The following SRBD1 variants were observed in gnomAD, a reference collection of about 807,000 sequenced individuals.
SRBD1 encodes S1 RNA-binding domain-containing protein 1.
SRBD1 carries 88 observed loss-of-function variants against 115.3 expected under a neutral mutation model. The ratio of observed to expected loss-of-function variants is 0.76; its 90% CI spans 0.64 to 0.91. The LOEUF is 0.91. Ranked by LOEUF, SRBD1 falls within the 40% of genes least tolerant of loss-of-function variation. SRBD1 has a pLI of 0.00. For missense variants in SRBD1, 1,385 were observed against 1,177.4 expected (o/e 1.18, Z -2.58); for synonymous variants, 509 against 407.7 (o/e 1.25, Z -2.99).
At chr2:45,457,766 G>A (rs565102469) in intron 16 of SRBD1, among the ~76,000 whole-genome samples, 42 of 152,104 alleles carry the variant, frequency 2.8e-4, no homozygotes, top group African/African-American at 9.4e-4. Flanking sequence ...GGGAGCTGTT[G>A]ACTTCAAGAG....
chr2:45,438,124 T>C (rs898851553), intron 16 of SRBD1, among the ~76,000 whole-genome samples: 3 of 152,196 alleles, frequency 2.0e-5, no homozygotes, highest in Non-Finnish European at 4.4e-5. Flanking sequence ...GGAAGATTTA[T>C]ATGGTAACTC....
intron 16 of SRBD1, among the ~76,000 whole-genome samples, chr2:45,426,674 G>A (rs1446290143): frequency 6.6e-6 from 1 of 152,196 alleles, no homozygotes; most frequent in Non-Finnish European, 1.5e-5. Flanking sequence ...AATCTTTGCT[G>A]TTCTGCAGCC....
At chr2:45,501,829 G>GGCCT (rs1237667914) in intron 14 of SRBD1, among the ~76,000 whole-genome samples, 4 of 152,170 alleles carry the variant, frequency 2.6e-5, no homozygotes, top group Non-Finnish European at 5.9e-5. Flanking sequence ...AGCTCAAGGA[G>GGCCT]GCCTGCCTGC....
intron 16 of SRBD1, among the ~76,000 whole-genome samples, chr2:45,472,404 A>G (rs185740665): frequency 2.3e-4 from 35 of 152,356 alleles, no homozygotes; most frequent in Admixed American, 2.0e-3. Context: ...ACTATACTAA[A>G]AAAATCACTG....
chr2:45,409,874 G>A (rs940394680), intron 19 of SRBD1, among the ~76,000 whole-genome samples: 2 of 151,970 alleles, frequency 1.3e-5, no homozygotes, highest in Non-Finnish European at 2.9e-5. Context: ...AATAAATGCT[G>A]ACATAATAAG....
intron 16 of SRBD1, among the ~76,000 whole-genome samples, chr2:45,426,104 A>C (rs1387621600): frequency 6.6e-6 from 1 of 152,172 alleles, no homozygotes; most frequent in East Asian, 1.9e-4. Flanking sequence ...CACTGGATTG[A>C]AATTCTCACT....
chr2:45,398,946 C>T (rs150597364), intron 19 of SRBD1, among the ~76,000 whole-genome samples: 195 of 152,206 alleles, frequency 1.3e-3, no homozygotes, highest in African/African-American at 4.4e-3. Flanking sequence ...TGAAATGTTG[C>T]TATTATTGCT....
chr2:45,478,318 T>G lies in SRBD1; in HGVS notation c.1967-1243A>C, dbSNP rs1669864722. 1.3e-5 allele frequency among the ~76,000 whole-genome samples: 2 copies of G among 152,200 alleles called. 1 individual carries two copies. Among genetic ancestry groups the G allele is most frequent in the Non-Finnish European group, 2.9e-5 (2 of 68,038 alleles). ...TGCAAGTGACTCTCAGATTCTCCAG[T>G]CGCTGATTTGTACCACTTCTCTAAT... On this transcript the variant is annotated intron_variant, in intron 15 of 20. Transcript: ENST00000263736.
intron 19 of SRBD1, among the ~76,000 whole-genome samples, chr2:45,410,550 C>G (rs189515066): frequency 7.2e-5 from 11 of 152,290 alleles, no homozygotes; most frequent in Admixed American, 7.2e-4. Flanking sequence ...CTCCTAAAAC[C>G]TTTGGAATCT....
intron 10 of SRBD1, among the ~76,000 whole-genome samples, chr2:45,558,533 A>C (rs1672554098): frequency 2.0e-5 from 3 of 152,268 alleles, no homozygotes; most frequent in Non-Finnish European, 1.5e-5. Context: ...ATACTAATAC[A>C]TTAGCTTTAA....
chr2:45,399,561 T>C (rs771184184), intron 19 of SRBD1, among the ~76,000 whole-genome samples: 10 of 151,972 alleles, frequency 6.6e-5, no homozygotes, highest in Non-Finnish European at 8.8e-5. Context: ...CAACATAAGG[T>C]AGTAGTAGTG....
intron 14 of SRBD1, among the ~76,000 whole-genome samples, chr2:45,503,727 G>C (rs896982973): frequency 6.6e-6 from 1 of 152,144 alleles, no homozygotes; most frequent in African/African-American, 2.4e-5. Flanking sequence ...GTTTGATTCA[G>C]ATCAAAGTAA....
intron 4 of SRBD1, among the ~76,000 whole-genome samples, chr2:45,592,984 G>A (rs1367583380): frequency 2.0e-5 from 3 of 152,162 alleles, no homozygotes; most frequent in African/African-American, 7.2e-5. Context: ...GAGTTGGGAA[G>A]GGGTAGGGCA....
At chr2:45,473,251 G>C (rs1014952696) in intron 16 of SRBD1, among the ~76,000 whole-genome samples, 1 of 151,858 alleles carries the variant, frequency 6.6e-6, no homozygotes, top group East Asian at 1.9e-4. Flanking sequence ...TCAAATTCTA[G>C]AGTTAATTTA....
chr2:45,468,390 T>C, intron 16 of SRBD1, among the ~76,000 whole-genome samples: 1 of 145,366 alleles, frequency 6.9e-6, no homozygotes, highest in East Asian at 2.0e-4. Flanking sequence ...TCAATGAACT[T>C]TTTTTTTTTT....
chr2:45,519,812 A>C (rs1179457784), intron 14 of SRBD1, among the ~76,000 whole-genome samples: 1 of 152,182 alleles, frequency 6.6e-6, no homozygotes, highest in Non-Finnish European at 1.5e-5. Context: ...GCCTTCTTCT[A>C]AGTACTCGCA....
At chr2:45,585,816 TA>T in intron 4 of SRBD1, 42 bp from the exon 5 acceptor site, 1 of 1,461,264 alleles carries the variant, frequency 6.8e-7, no homozygotes, top group Non-Finnish European at 9.3e-7. Flanking sequence ...TGCTGAAAAT[TA>T]AACATCTATA....
At position 45,602,215 on chromosome 2, in the gene SRBD1, G is replaced by C. The variant is rs1034221258; in HGVS notation, c.81-132C>G. 5.4e-4 allele frequency: 551 copies of C among 1,028,072 alleles called. 5 individuals are homozygous for C. Among genetic ancestry groups the C allele is most frequent in the Non-Finnish European group, 1.2e-4 (90 of 723,842 alleles). The allele number at this position is 1,028,072 out of a possible 1,614,324, so 63.7% of individuals were successfully genotyped here. A position where few individuals can be genotyped will look rare whatever the true frequency, so the allele number is the denominator to read the frequency against. ...ATATAAAATGGAGTGATTGAGTACA[G>C]GCTGTGAACAGTTATTGCTAAGAAT... On this transcript the variant is annotated intron_variant, in intron 2 of 20. Transcript: ENST00000263736.
chr2:45,468,012 T>A (rs991296605), intron 16 of SRBD1, among the ~76,000 whole-genome samples: 2 of 152,162 alleles, frequency 1.3e-5, no homozygotes, highest in African/African-American at 4.8e-5. Flanking sequence ...TAAGATATTA[T>A]AAATATGATT....
Sources: gnomAD v4.1 joint callset for allele counts (sites outside exome capture counted in the v4.1 genomes callset) on GRCh38, gnomAD v4.1.1 for gene constraint, MANE v1.5 for transcripts, NCBI Gene and HGNC (gene_info 2026-07-23, HGNC 2026-07-21) for gene names.